The following CADM2 variants were observed in gnomAD, a reference collection of about 807,000 sequenced individuals.
CADM2 encodes the protein cell adhesion molecule 2, also known as immunoglobulin superfamily member 4D.
CADM2 carries 12 observed loss-of-function variants against 49.8 expected under a neutral mutation model. The ratio of observed to expected loss-of-function variants is 0.24; its 90% CI spans 0.15 to 0.39. The LOEUF is 0.39. CADM2 is among the 10% of genes least tolerant of loss of function. CADM2 has a pLI of 1.00. For missense variants in CADM2, 378 were observed against 492.3 expected (o/e 0.77, Z 2.20); for synonymous variants, 214 against 175.4 (o/e 1.22, Z -1.74).
chr3:85,227,251 G>A (rs1326397175), intron 1 of CADM2, among the ~76,000 whole-genome samples: 1 of 151,986 alleles, frequency 6.6e-6, no homozygotes, highest in Non-Finnish European at 1.5e-5. Context: ...ATTATTGTGT[G>A]GGAGTCTAAG....
chr3:85,409,996 A>G (rs2035583031), intron 1 of CADM2, among the ~76,000 whole-genome samples: 3 of 152,156 alleles, frequency 2.0e-5, no homozygotes, highest in Non-Finnish European at 2.9e-5. Context: ...AGTATTCTCT[A>G]TAGTTATACC....
chr3:85,860,900 C>T (rs1449955597), intron 3 of CADM2, among the ~76,000 whole-genome samples: 1 of 152,108 alleles, frequency 6.6e-6, no homozygotes, highest in Non-Finnish European at 1.5e-5. Context: ...AGTACACACA[C>T]TCTGAGGTGC....
rs530534409 is a variant in CADM2, at chr3:85,117,328, T to C, written c.61+157660T>C. On this transcript the variant is annotated intron_variant, in intron 1 of 9. Coordinates refer to ENST00000383699, the MANE Select transcript of CADM2 (RefSeq NM_001167675.2). Reference sequence around the variant, plus strand: ...AAATAGTAAAGGATGCTGTAAAATATATATAAATAAAAATAACCCTAAGGA... The same window carrying C: ...AAATAGTAAAGGATGCTGTAAAATACATATAAATAAAAATAACCCTAAGGA... 1.8e-4 allele frequency among the ~76,000 whole-genome samples: 27 copies of C among 152,212 alleles called. No homozygotes were observed. The South Asian group carries it at 5.4e-3, about 30-fold the overall frequency.
intron 1 of CADM2, among the ~76,000 whole-genome samples, chr3:85,260,430 T>C (rs2042990532): frequency 6.6e-6 from 1 of 152,168 alleles, no homozygotes; most frequent in Non-Finnish European, 1.5e-5. Context: ...GTTTAGGATA[T>C]TTATTTCATC....
intron 3 of CADM2, among the ~76,000 whole-genome samples, chr3:85,825,425 A>T (rs1235112167): frequency 6.6e-6 from 1 of 152,090 alleles, no homozygotes; most frequent in Non-Finnish European, 1.5e-5. Context: ...ACCAGAGCCC[A>T]AATAAGTATT....
At chr3:85,073,135 CA>C (rs1271544087) in intron 1 of CADM2, among the ~76,000 whole-genome samples, 2 of 152,168 alleles carry the variant, frequency 1.3e-5, no homozygotes, top group Admixed American at 1.3e-4. Context: ...ATTGCAAAGG[CA>C]AAATGGACAT....
chr3:85,717,968 C>A (rs754302084), intron 1 of CADM2, among the ~76,000 whole-genome samples: 65 of 152,232 alleles, frequency 4.3e-4, no homozygotes, highest in Non-Finnish European at 8.7e-4. Context: ...TGGGGTTACA[C>A]CATGTTGGCC....
intron 1 of CADM2, among the ~76,000 whole-genome samples, chr3:85,119,389 G>C (rs1255261570): frequency 6.6e-6 from 1 of 152,118 alleles, no homozygotes; most frequent in Non-Finnish European, 1.5e-5. Context: ...ATGCTGTTTT[G>C]GTTACTGTAG....
chr3:85,768,379 G>C (rs1279820123), intron 2 of CADM2, among the ~76,000 whole-genome samples: 1 of 151,810 alleles, frequency 6.6e-6, no homozygotes, highest in Non-Finnish European at 1.5e-5. Context: ...CCAGGAAGCA[G>C]AGGTTGCAGT....
chr3:85,368,803 C>G (rs921155346), intron 1 of CADM2, among the ~76,000 whole-genome samples: 6 of 152,058 alleles, frequency 3.9e-5, no homozygotes, highest in Admixed American at 2.6e-4. Flanking sequence ...TGTCATCACT[C>G]ATTGTTTGCT....
intron 1 of CADM2, among the ~76,000 whole-genome samples, chr3:85,204,256 T>C (rs1291290333): frequency 6.6e-6 from 1 of 152,186 alleles, no homozygotes; most frequent in African/African-American, 2.4e-5. Flanking sequence ...ATTTGTTGAA[T>C]TTTTAGTAAC....
intron 8 of CADM2, chr3:86,013,838 T>C: frequency 6.3e-7 from 1 of 1,590,750 alleles, no homozygotes; most frequent in South Asian, 1.1e-5. Flanking sequence ...ACATTGTGTC[T>C]AGTGGATTTT....
chr3:85,991,181 T>C (rs1728733875), intron 8 of CADM2, among the ~76,000 whole-genome samples: 1 of 152,200 alleles, frequency 6.6e-6, no homozygotes, highest in Non-Finnish European at 1.5e-5. Context: ...CCCCCACACA[T>C]TTTAATTATT....
chr3:85,413,105 C>T (rs1405612400), intron 1 of CADM2, among the ~76,000 whole-genome samples: 1 of 125,538 alleles, frequency 8.0e-6, no homozygotes, highest in Non-Finnish European at 1.6e-5. Context: ...CGCACCACTG[C>T]ACTCCAGCCT....
chr3:85,199,762 A>T (rs1394987434), intron 1 of CADM2, among the ~76,000 whole-genome samples: 1 of 152,054 alleles, frequency 6.6e-6, no homozygotes, highest in Non-Finnish European at 1.5e-5. Context: ...TTAAGTGGGG[A>T]AAACAAACCT....
chr3:85,825,863 T>C (rs2073881855), intron 3 of CADM2, among the ~76,000 whole-genome samples: 1 of 152,052 alleles, frequency 6.6e-6, no homozygotes, highest in Non-Finnish European at 1.5e-5. Flanking sequence ...GAGCTGTGTG[T>C]ATAAATGTTT....
intron 3 of CADM2, among the ~76,000 whole-genome samples, chr3:85,811,641 A>G (rs1315396639): frequency 6.6e-6 from 1 of 152,186 alleles, no homozygotes; most frequent in Non-Finnish European, 1.5e-5. Context: ...AAGTTGGCAA[A>G]ACATACAGAA....
At chr3:85,236,302 A>G (rs2042406635) in intron 1 of CADM2, among the ~76,000 whole-genome samples, 1 of 152,000 alleles carries the variant, frequency 6.6e-6, no homozygotes, top group Non-Finnish European at 1.5e-5. Context: ...ATTAATCTTT[A>G]TCATTTTTGT....
chr3:85,175,658 G>T (rs1019700941), intron 1 of CADM2, among the ~76,000 whole-genome samples: 7 of 152,052 alleles, frequency 4.6e-5, no homozygotes, highest in African/African-American at 1.7e-4. Flanking sequence ...AAAAGTTCTG[G>T]AAATGAATGG....
Sources: gnomAD v4.1 joint callset for allele counts (sites outside exome capture counted in the v4.1 genomes callset) on GRCh38, gnomAD v4.1.1 for gene constraint, MANE v1.5 for transcripts, NCBI Gene and HGNC (gene_info 2026-07-23, HGNC 2026-07-21) for gene names.